Variants in AFTPH observed in about 807,000 individuals in gnomAD.
AFTPH encodes aftiphilin protein.
Under a neutral mutation model 72.5 loss-of-function variants are expected in AFTPH, and 7 were observed. The ratio of observed to expected loss-of-function variants is 0.10; its 90% confidence interval spans 0.05 to 0.18. AFTPH has a LOEUF of 0.18. Among genes scored for constraint, AFTPH ranks in the 10% least tolerant of loss-of-function variants. The pLI is 1.00. For missense variants in AFTPH, 979 were observed against 1,060.5 expected (o/e 0.92, Z 1.07); for synonymous variants, 337 against 370.1 (o/e 0.91, Z 1.03).
intron 1 of AFTPH, among the ~76,000 whole-genome samples, chr2:64,532,614 C>T (rs1394210493): frequency 6.6e-6 from 1 of 152,110 alleles, no homozygotes; most frequent in Non-Finnish European, 1.5e-5. Context: ...GGTTAGAGAG[C>T]CCTGGAACAT....
chr2:64,581,612 A>T (rs1404248333), intron 7 of AFTPH, among the ~76,000 whole-genome samples: 1 of 151,264 alleles, frequency 6.6e-6, no homozygotes, highest in Non-Finnish European at 1.5e-5. Flanking sequence ...TATTCTATAA[A>T]GCCATTTGAA....
chr2:64,576,038 C>T (rs1672760301), intron 6 of AFTPH, among the ~76,000 whole-genome samples: 1 of 148,596 alleles, frequency 6.7e-6, no homozygotes, highest in Admixed American at 6.8e-5. Context: ...CGCACCCGGC[C>T]TAGAAAATAT....
chr2:64,554,653 G>A (rs528865058), intron 2 of AFTPH, among the ~76,000 whole-genome samples: 19 of 152,192 alleles, frequency 1.2e-4, no homozygotes, highest in Non-Finnish European at 1.5e-5. Context: ...TTGTGTCAAA[G>A]TAGTTTAATT....
chr2:64,542,972 A>T (rs1233052112), intron 1 of AFTPH, among the ~76,000 whole-genome samples: 1 of 152,306 alleles, frequency 6.6e-6, no homozygotes, highest in African/African-American at 2.4e-5. Context: ...ACATATTATC[A>T]AACAGTTTTC....
chr2:64,564,840 CTT>C (rs199615325), intron 2 of AFTPH, among the ~76,000 whole-genome samples: 9 of 142,958 alleles, frequency 6.3e-5, no homozygotes, highest in Admixed American at 2.1e-4. Flanking sequence ...AATTGATACA[CTT>C]TTTTTTTTTT....
intron 5 of AFTPH, 104 bp from the exon 6 acceptor site, chr2:64,572,842 C>T: frequency 1.4e-6 from 2 of 1,434,822 alleles, no homozygotes; most frequent in Non-Finnish European, 1.9e-6. Context: ...GTCTTCAGTA[C>T]TTTCCAAGTG....
At chr2:64,583,354 C>T (rs1673323405) in intron 7 of AFTPH, among the ~76,000 whole-genome samples, 1 of 146,506 alleles carries the variant, frequency 6.8e-6, no homozygotes, top group African/African-American at 2.5e-5. Flanking sequence ...AAAAATTACT[C>T]TCCAATTATT....
At chr2:64,562,553 T>C (rs141580319) in intron 2 of AFTPH, among the ~76,000 whole-genome samples, 1 of 152,310 alleles carries the variant, frequency 6.6e-6, no homozygotes, top group African/African-American at 2.4e-5. Context: ...GCCTCTCCAC[T>C]TAATATTCAT....
intron 6 of AFTPH, among the ~76,000 whole-genome samples, chr2:64,577,660 TTG>T (rs1291197046): frequency 6.6e-6 from 1 of 152,246 alleles, no homozygotes; most frequent in African/African-American, 2.4e-5. Context: ...TTAGAGATGT[TTG>T]TTTCCTTTTA....
At chr2:64,527,584 A>AC in intron 1 of AFTPH, among the ~76,000 whole-genome samples, 1 of 152,016 alleles carries the variant, frequency 6.6e-6, no homozygotes, top group African/African-American at 2.4e-5. Flanking sequence ...TCATCTCAAA[A>AC]AAAAAAAAAG....
intron 2 of AFTPH, among the ~76,000 whole-genome samples, chr2:64,565,711 A>ATT (rs1378739825): frequency 6.6e-6 from 1 of 152,146 alleles, no homozygotes; most frequent in Non-Finnish European, 1.5e-5. Context: ...GGCCTAACAT[A>ATT]TTTACTGTCT....
intron 1 of AFTPH, among the ~76,000 whole-genome samples, chr2:64,531,061 C>CAAAAAA: frequency 1.4e-5 from 1 of 71,484 alleles, no homozygotes. Context: ...GACTTCATCT[C>CAAAAAA]AAAAAAAAAA....
chr2:64,592,546 T>G (rs1673888246), exon 9 of AFTPH: 2 of 152,896 alleles, frequency 1.3e-5, no homozygotes, highest in South Asian at 4.1e-4. Flanking sequence ...GTTAACATTT[T>G]GGGGCTTTTT....
chr2:64,581,122 A>G, intron 7 of AFTPH, 68 bp from the exon 8 acceptor site: 1 of 1,115,656 alleles, frequency 9.0e-7, no homozygotes, highest in Non-Finnish European at 1.3e-6. Flanking sequence ...CCCTTTTTAC[A>G]CATAACCCCT....
chr2:64,558,988 T>A (rs542567197), intron 2 of AFTPH, among the ~76,000 whole-genome samples: 2 of 152,230 alleles, frequency 1.3e-5, no homozygotes, highest in South Asian at 4.2e-4. Flanking sequence ...CAGGTGGACA[T>A]ACGGAAAATG....
chr2:64,564,628 TA>T (rs200631493), intron 2 of AFTPH, among the ~76,000 whole-genome samples: 1 of 145,532 alleles, frequency 6.9e-6, no homozygotes, highest in African/African-American at 2.8e-5. Flanking sequence ...AAATAAAAAA[TA>T]AAAAATAAAA....
chr2:64,572,560 T>C (rs569647602), intron 5 of AFTPH, among the ~76,000 whole-genome samples: 8 of 152,340 alleles, frequency 5.3e-5, no homozygotes, highest in African/African-American at 1.9e-4. Context: ...TTGGTGCTTC[T>C]GCTTTCATGT....
In AFTPH at chr2:64,548,433, A is replaced by AAAAAAAAAAAC. The variant is rs1243472946; in HGVS notation, c.-32-3008_-32-3007insAAAAAAAACAA. 2.2e-4 allele frequency among the ~76,000 whole-genome samples: 23 copies of AAAAAAAAAAAC among 102,536 alleles called. 1 individual carries two copies. The highest frequency in any genetic ancestry group is 3.4e-4 in the Non-Finnish European group (16 of 47,044). 67.3% of individuals were successfully genotyped at this position (102,536 alleles called of 152,430 possible). A position where few individuals can be genotyped will look rare whatever the true frequency, so the allele number is the denominator to read the frequency against. Reference sequence around the variant, plus strand: ...AAAAAAAAAAAAAAAAAAAAAAAAAAAACTTTAGAAAAAGGAATCCTGTAG... The same window carrying AAAAAAAAAAAC: ...AAAAAAAAAAAAAAAAAAAAAAAAAAAAAAAAAAAACAACTTTAGAAAAAGGAATCCTGTAG... On this transcript the variant is annotated intron_variant, in intron 1 of 8. Coordinates refer to ENST00000238856, the Ensembl canonical transcript of AFTPH.
chr2:64,546,938 G>A (rs1670672006), intron 1 of AFTPH, among the ~76,000 whole-genome samples: 1 of 151,952 alleles, frequency 6.6e-6, no homozygotes. Flanking sequence ...AGTCCCAGCT[G>A]CTTGGGAGGC....
Sources: allele counts gnomAD v4.1 joint callset (sites outside exome capture counted in the v4.1 genomes callset), GRCh38; gene constraint gnomAD v4.1.1; transcripts MANE v1.5; gene names NCBI Gene and HGNC (gene_info 2026-07-23, HGNC 2026-07-21).